Variants in FGGY observed in about 807,000 individuals in gnomAD.
FGGY encodes FGGY carbohydrate kinase domain-containing protein.
In FGGY, 72 loss-of-function variants were observed where a neutral mutation model predicts 71.3. The observed-to-expected ratio is 1.01, with a 90% CI of 0.84 to 1.23. The LOEUF (loss-of-function observed/expected upper bound fraction) is 1.23, where lower values mean the gene tolerates loss of function less well. Among genes scored for constraint, FGGY ranks in the 50% most tolerant of loss-of-function variants. The pLI, the probability that FGGY is intolerant of heterozygous loss-of-function variation, is 0.00. For missense variants in FGGY, 668 were observed against 682.3 expected, an observed-to-expected ratio of 0.98 and a Z score of 0.23; for synonymous variants, 251 against 250.3, an observed-to-expected ratio of 1.00 and a Z score of -0.02.
At chr1:59,380,494 G>A (rs2059280177) in intron 5 of FGGY, among the ~76,000 whole-genome samples, 1 of 151,570 alleles carries the variant, frequency 6.6e-6, no homozygotes. Context: ...CATCCTAACT[G>A]GTGTGAGATG....
chr1:59,635,751 A>T (rs1037450212), intron 10 of FGGY, among the ~76,000 whole-genome samples: 7 of 152,178 alleles, frequency 4.6e-5, no homozygotes, highest in Non-Finnish European at 1.0e-4. Flanking sequence ...GTGTTCGCTG[A>T]TACGTTGTTC....
At chr1:59,457,392 T>C (rs1255999772) in intron 6 of FGGY, among the ~76,000 whole-genome samples, 1 of 152,214 alleles carries the variant, frequency 6.6e-6, no homozygotes, top group Non-Finnish European at 1.5e-5. Context: ...GGCAGATTGC[T>C]TGAGCCCAGG....
At chr1:59,409,599 TA>T (rs1475243307) in intron 5 of FGGY, among the ~76,000 whole-genome samples, 75 of 44,294 alleles carry the variant, frequency 1.7e-3, no homozygotes, top group African/African-American at 7.8e-3. Context: ...AAGAGTTTTT[TA>T]TATATATATA....
In FGGY at chr1:59,661,081, G is replaced by A. The variant is rs563439409; in HGVS notation, c.1296+788G>A. On this transcript the variant is annotated intron_variant, in intron 12 of 15. Coordinates refer to ENST00000303721, the MANE Select transcript of FGGY (RefSeq NM_018291.5). The stretch of plus-strand genomic sequence containing the variant: ...AAAGAGAATAGGAATTAACAGAAAG[G>A]AAAAATCAGTTTATCTAATTTTAAT... Among the ~76,000 whole-genome samples, 3 of 152,144 alleles carry A rather than the reference G, an allele frequency of 2.0e-5. No homozygotes were observed. In the East Asian group the frequency reaches 5.8e-4, roughly 29 times the overall value.
chr1:59,624,114 A>G (rs190141662), intron 9 of FGGY, among the ~76,000 whole-genome samples: 14 of 104,750 alleles, frequency 1.3e-4, no homozygotes, highest in African/African-American at 2.2e-4. Context: ...TAAATATTCA[A>G]TAACTGCATG....
chr1:59,658,878 G>T (rs1332074981), intron 11 of FGGY, among the ~76,000 whole-genome samples: 1 of 152,162 alleles, frequency 6.6e-6, no homozygotes, highest in Non-Finnish European at 1.5e-5. Context: ...GAGATCAAAT[G>T]TACAAAACTT....
At chr1:59,720,846 C>T (rs184008878) in intron 14 of FGGY, among the ~76,000 whole-genome samples, 5 of 152,270 alleles carry the variant, frequency 3.3e-5, no homozygotes, top group African/African-American at 1.2e-4. Flanking sequence ...TTTTCAGGAC[C>T]TGCAAAGCCC....
intron 14 of FGGY, among the ~76,000 whole-genome samples, chr1:59,732,471 A>C (rs889918607): frequency 4.6e-5 from 7 of 152,218 alleles, no homozygotes; most frequent in African/African-American, 1.7e-4. Flanking sequence ...GTCAGCATGC[A>C]GGCACAGAAA....
intron 3 of FGGY, among the ~76,000 whole-genome samples, chr1:59,341,783 C>G (rs962243142): frequency 1.3e-5 from 2 of 152,196 alleles, no homozygotes; most frequent in African/African-American, 2.4e-5. Context: ...AGCCACAGAC[C>G]TGGCCGTTTT....
chr1:59,568,621 G>T (rs1424206955), intron 8 of FGGY, among the ~76,000 whole-genome samples: 1 of 152,132 alleles, frequency 6.6e-6, no homozygotes, highest in African/African-American at 2.4e-5. Context: ...CACTGTCCGT[G>T]TGTGCGTCTT....
chr1:59,682,842 T>A (rs2097514447), intron 14 of FGGY, among the ~76,000 whole-genome samples: 1 of 152,192 alleles, frequency 6.6e-6, no homozygotes, highest in South Asian at 2.1e-4. Context: ...AATGGTTTGT[T>A]CAGATTTGCT....
intron 5 of FGGY, among the ~76,000 whole-genome samples, chr1:59,383,001 A>T (rs1331060912): frequency 1.3e-5 from 2 of 152,156 alleles, no homozygotes; most frequent in East Asian, 3.9e-4. Context: ...GTGGACTAAC[A>T]ATATGACTTA....
At chr1:59,671,435 A>C (rs2097376270) in intron 13 of FGGY, among the ~76,000 whole-genome samples, 1 of 152,154 alleles carries the variant, frequency 6.6e-6, no homozygotes, top group Admixed American at 6.5e-5. Flanking sequence ...ATGTGTGAAG[A>C]GGGCAGCCCA....
chr1:59,742,027 C>A (rs1479073828), intron 14 of FGGY, among the ~76,000 whole-genome samples: 3 of 152,100 alleles, frequency 2.0e-5, no homozygotes, highest in Non-Finnish European at 4.4e-5. Flanking sequence ...TCAGTTTAAC[C>A]CAGAAGTTCG....
chr1:59,524,209 G>C (rs912236765), intron 7 of FGGY, among the ~76,000 whole-genome samples: 1 of 152,224 alleles, frequency 6.6e-6, no homozygotes, highest in Admixed American at 6.5e-5. Context: ...ACTTGAGGTG[G>C]TGCTGACACG....
At chr1:59,308,151 T>A (rs967977849) in intron 1 of FGGY, among the ~76,000 whole-genome samples, 1 of 152,206 alleles carries the variant, frequency 6.6e-6, no homozygotes, top group Non-Finnish European at 1.5e-5. Context: ...GCTGCTTCTC[T>A]TTTTATTTTA....
At chr1:59,512,981 A>C (rs910532980) in intron 7 of FGGY, among the ~76,000 whole-genome samples, 3 of 152,202 alleles carry the variant, frequency 2.0e-5, no homozygotes, top group Non-Finnish European at 2.9e-5. Context: ...AGTGAACTTA[A>C]AACAAAACCA....
chr1:59,705,691 CT>C (rs1293682438), intron 14 of FGGY, among the ~76,000 whole-genome samples: 6 of 152,202 alleles, frequency 3.9e-5, no homozygotes, highest in Non-Finnish European at 2.9e-5. Flanking sequence ...CATAACTTTG[CT>C]TCTCTGAGCC....
chr1:59,475,651 C>G (rs1045205770), intron 6 of FGGY, among the ~76,000 whole-genome samples: 1 of 152,224 alleles, frequency 6.6e-6, no homozygotes, highest in African/African-American at 2.4e-5. Flanking sequence ...TCTTCTTCCT[C>G]TTACACCTTA....
Sources: gnomAD v4.1 joint callset for allele counts (sites outside exome capture counted in the v4.1 genomes callset) on GRCh38, gnomAD v4.1.1 for gene constraint, MANE v1.5 for transcripts, NCBI Gene and HGNC (gene_info 2026-07-23, HGNC 2026-07-21) for gene names.